CLSTN2: variants seen among roughly 807,000 people sequenced by gnomAD.
CLSTN2 encodes calsyntenin 2.
In CLSTN2, 48 loss-of-function variants were observed where a neutral mutation model predicts 101.2. The ratio of observed to expected loss-of-function variants is 0.47; its 90% confidence interval spans 0.38 to 0.60. The LOEUF is 0.60. Ranked by LOEUF, CLSTN2 falls within the 20% of genes least tolerant of loss-of-function variation. The probability of loss-of-function intolerance (pLI) is 0.00; values close to 1 mark genes in which losing one functional copy is unlikely to be tolerated. For synonymous variants in CLSTN2, 481 were observed against 463.6 expected (o/e 1.04, Z -0.48); for missense variants, 1,160 against 1,238.2 (o/e 0.94, Z 0.95).
chr3:140,307,771 T>G (rs2087129295), intron 2 of CLSTN2, among the ~76,000 whole-genome samples: 2 of 152,234 alleles, frequency 1.3e-5, no homozygotes, highest in South Asian at 4.1e-4. Flanking sequence ...ATATTCTGCT[T>G]TCTTCCACCA....
chr3:140,498,952 A>G (rs898877066), intron 8 of CLSTN2, among the ~76,000 whole-genome samples: 1 of 146,340 alleles, frequency 6.8e-6, no homozygotes, highest in Non-Finnish European at 1.5e-5. Context: ...CATTGTGAGC[A>G]CTTGAATGTT....
chr3:140,030,394 T>G (rs1448186633), intron 1 of CLSTN2, among the ~76,000 whole-genome samples: 1 of 152,048 alleles, frequency 6.6e-6, no homozygotes, highest in African/African-American at 2.4e-5. Context: ...GGATCCTGAC[T>G]CTGATCAGCT....
At chr3:140,357,832 A>G (rs1418013376) in intron 2 of CLSTN2, among the ~76,000 whole-genome samples, 1 of 152,168 alleles carries the variant, frequency 6.6e-6, no homozygotes, top group African/African-American at 2.4e-5. Context: ...GTCAGCTCCA[A>G]TGCTGAGCTG....
intron 1 of CLSTN2, among the ~76,000 whole-genome samples, chr3:140,171,663 A>ATATAATATGTATTATATAT (rs1559797143): frequency 1.3e-4 from 2 of 15,318 alleles, no homozygotes; most frequent in African/African-American, 2.1e-4. Flanking sequence ...ATTATATATT[A>ATATAATATGTATTATATAT]TATATAATAT....
At chr3:140,223,526 T>C (rs1303422749) in intron 2 of CLSTN2, among the ~76,000 whole-genome samples, 1 of 152,056 alleles carries the variant, frequency 6.6e-6, no homozygotes, top group African/African-American at 2.4e-5. Context: ...CGAAGAAGGA[T>C]CCTAGAATGC....
At chr3:139,987,056 C>A (rs1936037430) in intron 1 of CLSTN2, among the ~76,000 whole-genome samples, 1 of 152,162 alleles carries the variant, frequency 6.6e-6, no homozygotes, top group African/African-American at 2.4e-5. Context: ...CTGGGCCTAT[C>A]AATCCTAAGA....
intron 6 of CLSTN2, among the ~76,000 whole-genome samples, chr3:140,457,282 G>T (rs1343625095): frequency 2.0e-5 from 3 of 152,168 alleles, no homozygotes; most frequent in African/African-American, 7.2e-5. Context: ...GCATCTCTCT[G>T]GCCGTCCCAG....
At chr3:140,434,122 G>A (rs574086349) in intron 5 of CLSTN2, among the ~76,000 whole-genome samples, 47 of 152,262 alleles carry the variant, frequency 3.1e-4, no homozygotes, top group African/African-American at 1.1e-3. Context: ...ACCACAGAAA[G>A]TCACCCCCTC....
chr3:140,298,906 G>A (rs924296810), intron 2 of CLSTN2, among the ~76,000 whole-genome samples: 1 of 152,194 alleles, frequency 6.6e-6, no homozygotes, highest in Admixed American at 6.5e-5. Context: ...AGGGGACTTG[G>A]GAATCTGAGA....
chr3:139,985,544 A>G (rs1356054494), intron 1 of CLSTN2, among the ~76,000 whole-genome samples: 1 of 152,110 alleles, frequency 6.6e-6, no homozygotes, highest in East Asian at 1.9e-4. Context: ...TGTTTGCAGA[A>G]TTCTGTGTGC....
At chr3:140,074,395 A>G (rs1452311484) in intron 1 of CLSTN2, among the ~76,000 whole-genome samples, 1 of 152,118 alleles carries the variant, frequency 6.6e-6, no homozygotes, top group Non-Finnish European at 1.5e-5. Flanking sequence ...CATGTCGACA[A>G]CCTGGGTTGG....
At chr3:140,134,822 T>C (rs550100031) in intron 1 of CLSTN2, among the ~76,000 whole-genome samples, 13 of 152,002 alleles carry the variant, frequency 8.6e-5, no homozygotes, top group Middle Eastern at 3.4e-3. Context: ...CACTAATCCA[T>C]CGGGGAACAT....
chr3:140,172,118 G>T (rs2010247270), intron 1 of CLSTN2, among the ~76,000 whole-genome samples: 1 of 150,498 alleles, frequency 6.6e-6, no homozygotes, highest in African/African-American at 2.4e-5. Context: ...ATGAATTAGG[G>T]TGTGAAGTTT....
chr3:140,378,646 G>A (rs1351069766), intron 2 of CLSTN2, among the ~76,000 whole-genome samples: 2 of 152,208 alleles, frequency 1.3e-5, no homozygotes, highest in Non-Finnish European at 1.5e-5. Flanking sequence ...AAGCAACAGG[G>A]AGGTTGTGAG....
At chr3:140,190,421 A>T (rs1361081577) in intron 2 of CLSTN2, among the ~76,000 whole-genome samples, 1 of 145,006 alleles carries the variant, frequency 6.9e-6, no homozygotes, top group Non-Finnish European at 1.5e-5. Flanking sequence ...ATTTTAGGAT[A>T]ACCTCATCTA....
At chr3:139,938,425 A>C (rs764224458) in intron 1 of CLSTN2, among the ~76,000 whole-genome samples, 16 of 152,152 alleles carry the variant, frequency 1.1e-4, no homozygotes, top group Non-Finnish European at 1.6e-4. Context: ...CCGGACAACT[A>C]CCTGGGGTTT....
intron 1 of CLSTN2, among the ~76,000 whole-genome samples, chr3:140,057,651 C>G (rs530025911): frequency 9.2e-5 from 14 of 152,246 alleles, no homozygotes; most frequent in African/African-American, 2.9e-4. Flanking sequence ...TTATAGTTCT[C>G]TCTTTAACAA....
At chr3:140,436,992 C>T (rs1293788070) in intron 5 of CLSTN2, among the ~76,000 whole-genome samples, 2 of 151,884 alleles carry the variant, frequency 1.3e-5, no homozygotes, top group African/African-American at 4.8e-5. Context: ...CAGCCACCCT[C>T]ACACAGGCTG....
chr3:140,070,741 G>A (rs1477440355), intron 1 of CLSTN2, among the ~76,000 whole-genome samples: 1 of 152,154 alleles, frequency 6.6e-6, no homozygotes, highest in Non-Finnish European at 1.5e-5. Context: ...TCATTCAGAA[G>A]AGGGATTGGC....
Sources: gnomAD v4.1 joint callset for allele counts (sites outside exome capture counted in the v4.1 genomes callset) on GRCh38, gnomAD v4.1.1 for gene constraint, MANE v1.5 for transcripts, NCBI Gene and HGNC (gene_info 2026-07-23, HGNC 2026-07-21) for gene names.